Variants in SLIT2 observed in about 807,000 individuals in gnomAD.
The protein encoded by SLIT2 is slit homolog 2 protein.
Under a neutral mutation model 185.7 loss-of-function variants are expected in SLIT2, and 41 were observed. That is an observed-to-expected ratio of 0.22 (90% CI 0.17 to 0.29). The LOEUF is 0.29. SLIT2 is among the 10% of genes least tolerant of loss of function. The pLI, the probability that SLIT2 is intolerant of heterozygous loss-of-function variation, is 1.00. For missense variants in SLIT2, 1,571 were observed against 1,909.0 expected, an observed-to-expected ratio of 0.82 and a Z score of 3.30; for synonymous variants, 693 against 680.2, an observed-to-expected ratio of 1.02 and a Z score of -0.29.
At chr4:20,305,547 A>G (rs1234621251) in intron 4 of SLIT2, among the ~76,000 whole-genome samples, 4 of 152,138 alleles carry the variant, frequency 2.6e-5, no homozygotes, top group Non-Finnish European at 5.9e-5. Flanking sequence ...GTATTTGGAG[A>G]TTAGTTATTA....
chr4:20,333,651 C>T (rs141785309), intron 4 of SLIT2, among the ~76,000 whole-genome samples: 1 of 152,140 alleles, frequency 6.6e-6, no homozygotes, highest in African/African-American at 2.4e-5. Context: ...TCACACAGAA[C>T]AAAGAGAAAG....
chr4:20,359,093 C>G (rs765534438), intron 4 of SLIT2, among the ~76,000 whole-genome samples: 3 of 152,114 alleles, frequency 2.0e-5, no homozygotes, highest in East Asian at 1.9e-4. Context: ...TCTCTGCCAC[C>G]ATGAAACTGG....
intron 4 of SLIT2, among the ~76,000 whole-genome samples, chr4:20,343,284 C>T (rs1721114317): frequency 6.6e-6 from 1 of 152,152 alleles, no homozygotes; most frequent in Non-Finnish European, 1.5e-5. Context: ...GTGGGGTCAA[C>T]ATTTTTAGCT....
chr4:20,513,379 G>A (rs544976725), intron 11 of SLIT2, among the ~76,000 whole-genome samples: 23 of 152,172 alleles, frequency 1.5e-4, no homozygotes, highest in African/African-American at 2.2e-4. Context: ...GTTATAACAC[G>A]TATCATTTTC....
At chr4:20,358,335 A>G (rs557095525) in intron 4 of SLIT2, among the ~76,000 whole-genome samples, 1 of 152,304 alleles carries the variant, frequency 6.6e-6, no homozygotes, top group East Asian at 1.9e-4. Flanking sequence ...ATATTTCTGC[A>G]TGTCGATGCA....
At chr4:20,547,485 T>C (rs1057435735) in intron 22 of SLIT2, among the ~76,000 whole-genome samples, 8 of 152,018 alleles carry the variant, frequency 5.3e-5, no homozygotes, top group Non-Finnish European at 8.8e-5. Flanking sequence ...TCTTCAGCAG[T>C]TAAAAATATG....
Position 20,620,168 on chromosome 4 carries a change from A to G in SLIT2, c.*1159A>G. On this transcript the variant is annotated 3_prime_UTR_variant, in exon 37 of 37. Coordinates refer to ENST00000504154, the MANE Select transcript of SLIT2 (RefSeq NM_004787.4). ...AACGAAATGGTGTGTAGCAATCAACACTAGAAAGTAGACCTTTTGCAAATT... is the reference window on the plus strand; with the variant it reads ...AACGAAATGGTGTGTAGCAATCAACGCTAGAAAGTAGACCTTTTGCAAATT... 2 of 300,282 alleles carry G rather than the reference A, an allele frequency of 6.7e-6. No homozygotes were observed. Among genetic ancestry groups the G allele is most frequent in the Non-Finnish European group, 1.3e-5 (2 of 155,418 alleles). The allele number at this position is 300,282 out of a possible 1,614,324, so 18.6% of individuals were successfully genotyped here. A position where few individuals can be genotyped will look rare whatever the true frequency, so the allele number is the denominator to read the frequency against.
intron 11 of SLIT2, among the ~76,000 whole-genome samples, chr4:20,514,508 G>A (rs891962442): frequency 6.6e-6 from 1 of 152,032 alleles, no homozygotes; most frequent in Non-Finnish European, 1.5e-5. Context: ...AGTCAGACAT[G>A]GTGGTGCATG....
chr4:20,518,241 A>ATATG (rs1300837212), intron 11 of SLIT2, among the ~76,000 whole-genome samples: 1 of 78,830 alleles, frequency 1.3e-5, no homozygotes, highest in African/African-American at 5.0e-5. Flanking sequence ...GTGTGTGTGT[A>ATATG]TATATATATA....
intron 36 of SLIT2, 50 bp downstream of exon 36, chr4:20,617,700 T>C: frequency 3.7e-6 from 4 of 1,079,440 alleles, no homozygotes; most frequent in Non-Finnish European, 2.7e-6. Context: ...GCAAGAGGGG[T>C]CCCATGTCTT....
rs1722095286 is a variant in SLIT2 at position 20,252,163 on chromosome 4, T to A, written c.-1653T>A. Among the ~76,000 whole-genome samples the A allele has an allele frequency of 6.8e-6, 1 of 147,874 alleles. No individual in the cohort carries two copies. The highest frequency in any genetic ancestry group is 1.5e-5 in the Non-Finnish European group (1 of 66,784). ...GCCGGCTCCGGAGGCGCGGGCCGGG[T>A]TTTTGTTTGGCTACGCTGAGCGCCA... is the stretch of plus-strand genomic sequence containing the variant. On this transcript the variant is annotated 5_prime_UTR_variant, in exon 1 of 37. Coordinates refer to ENST00000504154, the MANE Select transcript of SLIT2 (RefSeq NM_004787.4).
rs115930290 is a variant in SLIT2, at chr4:20,373,012, A to G, written c.396-94740A>G. Among the ~76,000 whole-genome samples the G allele has an allele frequency of 5.9e-3, 891 of 152,244 alleles. 7 individuals carry two copies. The highest frequency in any genetic ancestry group is 0.02 in the African/African-American group (847 of 41,572). ...TTTCTCATTACCTACTCAGTTATTT[A>G]GAAATCATAGGAGTTAGATGCTAAA... On this transcript the variant is annotated intron_variant, in intron 4 of 36. Coordinates refer to ENST00000504154, the MANE Select transcript of SLIT2 (RefSeq NM_004787.4).
At position 20,490,758 on chromosome 4, in the gene SLIT2, C is replaced by A. The variant is rs777565093; in HGVS notation, c.776-1003C>A. On this transcript the variant is annotated intron_variant, in intron 8 of 36. Coordinates refer to ENST00000504154, the MANE Select transcript of SLIT2 (RefSeq NM_004787.4). ...TAATGAAATGACTAACAGTTCGTTA[C>A]TAACCACTTTTTTCTCTCTTCACTT... is the stretch of plus-strand genomic sequence containing the variant. 2.5e-5 allele frequency: 34 copies of A among 1,371,330 alleles called. No individual in the cohort carries two copies. The African/African-American group carries it at 4.4e-4, about 18-fold the overall frequency. 84.9% of individuals were successfully genotyped at this position (1,371,330 alleles called of 1,614,324 possible).
intron 4 of SLIT2, among the ~76,000 whole-genome samples, chr4:20,366,137 A>G (rs1723098289): frequency 6.6e-6 from 1 of 151,852 alleles, no homozygotes; most frequent in African/African-American, 2.4e-5. Flanking sequence ...GTCATTCTTA[A>G]TCTCATCCAT....
intron 4 of SLIT2, among the ~76,000 whole-genome samples, chr4:20,450,040 C>T (rs1340673434): frequency 2.0e-5 from 3 of 152,072 alleles, no homozygotes; most frequent in African/African-American, 7.2e-5. Context: ...TAAGAACCTG[C>T]ATTCTTTTTT....
chr4:20,316,053 C>T (rs1207868687), intron 4 of SLIT2, among the ~76,000 whole-genome samples: 1 of 151,994 alleles, frequency 6.6e-6, no homozygotes, highest in Non-Finnish European at 1.5e-5. Flanking sequence ...CCTCTGGCCT[C>T]CTCCCAGATT....
chr4:20,376,436 A>T (rs1034077433), intron 4 of SLIT2, among the ~76,000 whole-genome samples: 4 of 152,208 alleles, frequency 2.6e-5, no homozygotes, highest in East Asian at 3.9e-4. Context: ...TGTAGAAAGC[A>T]TACTTCAAAA....
intron 4 of SLIT2, among the ~76,000 whole-genome samples, chr4:20,344,382 G>C (rs987147316): frequency 6.6e-6 from 1 of 152,032 alleles, no homozygotes; most frequent in Non-Finnish European, 1.5e-5. Context: ...ATTTTTTTAG[G>C]TATTATACAC....
chr4:20,477,289 C>T (rs890540110), intron 5 of SLIT2, among the ~76,000 whole-genome samples: 5 of 151,858 alleles, frequency 3.3e-5, no homozygotes, highest in African/African-American at 1.2e-4. Context: ...GCAACCTCCA[C>T]CTCCTGGGTT....
Sources: gnomAD v4.1 joint callset for allele counts (sites outside exome capture counted in the v4.1 genomes callset) on GRCh38, gnomAD v4.1.1 for gene constraint, MANE v1.5 for transcripts, NCBI Gene and HGNC (gene_info 2026-07-23, HGNC 2026-07-21) for gene names.